The following IQSEC2 variants were observed in gnomAD, a reference collection of about 807,000 sequenced individuals.
The protein encoded by IQSEC2 is IQ motif and SEC7 domain-containing protein 2.
IQSEC2 carries 6 observed loss-of-function variants against 74.6 expected under a neutral mutation model. The observed-to-expected ratio is 0.08, with a 90% confidence interval of 0.04 to 0.16. The LOEUF (loss-of-function observed/expected upper bound fraction) is 0.16. IQSEC2 is among the 10% of genes least tolerant of loss of function. The probability of loss-of-function intolerance (pLI) is 1.00; values close to 1 mark genes in which losing one functional copy is unlikely to be tolerated. For synonymous variants in IQSEC2, 494 were observed against 544.5 expected (o/e 0.91, Z 1.29); for missense variants, 734 against 1,306.2 (o/e 0.56, Z 6.75).
At chrX:53,282,987 C>T (rs1223442352) in intron 2 of IQSEC2, among the ~76,000 whole-genome samples, 2 of 110,924 alleles carry the variant, frequency 1.8e-5, no homozygotes, top group Admixed American at 9.6e-5. Context: ...GGGTGGGGGA[C>T]GGTGGATCAC....
intron 1 of IQSEC2, among the ~76,000 whole-genome samples, chrX:53,304,686 C>T (rs1023323999): frequency 2.7e-5 from 3 of 111,685 alleles, no homozygotes; most frequent in South Asian, 3.8e-4. Flanking sequence ...GGCAGCACAG[C>T]GTGAACCTCA....
downstream of IQSEC2, chrX:53,228,838 C>T (rs782670337): frequency 2.7e-5 from 3 of 111,779 alleles, no homozygotes; most frequent in Non-Finnish European, 3.8e-5. Flanking sequence ...AGAGAAATAT[C>T]GATGTCTAGT....
At chrX:53,288,713 C>T (rs978593146) in intron 2 of IQSEC2, among the ~76,000 whole-genome samples, 1 of 112,434 alleles carries the variant, frequency 8.9e-6, no homozygotes, top group Non-Finnish European at 1.9e-5. Context: ...TTTAAGTTCT[C>T]TCATCAACCC....
At chrX:53,252,376 A>T (rs1569303814) in intron 4 of IQSEC2, among the ~76,000 whole-genome samples, 1 of 11,157 alleles carries the variant, frequency 9.0e-5, no homozygotes, top group African/African-American at 1.4e-4. Context: ...AAATTTATTA[A>T]AAAAAAAAAA....
At chrX:53,264,920 T>G (rs781789125) in intron 2 of IQSEC2, among the ~76,000 whole-genome samples, 1 of 48,440 alleles carries the variant, frequency 2.1e-5, no homozygotes, top group South Asian at 1.4e-3. Context: ...GCCACTGTCA[T>G]GCTTAAAAAA....
intron 1 of IQSEC2, among the ~76,000 whole-genome samples, chrX:53,308,088 C>T (rs184838631): frequency 4.9e-5 from 5 of 101,021 alleles, no homozygotes; most frequent in Admixed American, 2.2e-4. Context: ...CGCTTGAACC[C>T]GGGAGGCAGA....
At chrX:53,255,078 C>T (rs953949106) in intron 3 of IQSEC2, 147 bp from the exon 4 acceptor site, 111 of 513,489 alleles carry the variant, frequency 2.2e-4, no homozygotes, top group South Asian at 6.1e-5. Context: ...GTGTTGTCTC[C>T]TCACTTGAAT....
intron 1 of IQSEC2, among the ~76,000 whole-genome samples, chrX:53,316,756 G>A (rs1232898266): frequency 4.7e-5 from 5 of 106,642 alleles, no homozygotes; most frequent in Admixed American, 4.1e-4. Flanking sequence ...ACTCACTTGA[G>A]TAAGCTATGT....
In IQSEC2 at chrX:53,234,483, G is replaced by A. The variant is rs1556859024; in HGVS notation, c.4203C>T (p.Gly1401=). ...GCCGGGATCCAGGGCCCCCAGCCGC[G>A]CCTGCTGCTGGCATCATCTGTGGGT... The part of the protein sequence containing the change: ...SHHPQMMPAA[G]AAGGPGSRPP... Residue 1401 remains glycine (G), a synonymous_variant, in exon 15 of 15, where the codon GGC becomes GGT. Transcript: ENST00000642864. 1.8e-6 allele frequency: 2 copies of A among 1,088,373 alleles called. No individual in the cohort carries two copies. Among genetic ancestry groups the A allele is most frequent in the Admixed American group, 3.7e-5 (1 of 27,228 alleles). The allele number at this position is 1,088,373 out of a possible 1,213,427, so 89.7% of individuals were successfully genotyped here. A position where few individuals can be genotyped will look rare whatever the true frequency, so the allele number is the denominator to read the frequency against.
At chrX:53,289,622 G>A (rs1334097157) in intron 2 of IQSEC2, among the ~76,000 whole-genome samples, 2 of 111,043 alleles carry the variant, frequency 1.8e-5, no homozygotes, top group Admixed American at 1.9e-4. Context: ...TTACAAGTAG[G>A]TCCCTACCCA....
downstream of IQSEC2, chrX:53,227,648 AAAG>A: frequency 3.3e-6 from 1 of 304,069 alleles, no homozygotes; most frequent in East Asian, 4.9e-5. Flanking sequence ...AAACAGATGA[AAAG>A]GAGGCAGAGG....
chrX:53,259,188 CAAAAAAAAAAAAAA>C (rs56394985), intron 2 of IQSEC2, among the ~76,000 whole-genome samples: 1 of 31,686 alleles, frequency 3.2e-5, no homozygotes, highest in East Asian at 8.4e-4. Flanking sequence ...AGACTGTCTC[CAAAAAAAAAAAAAA>C]AAAAAAAAAA....
chrX:53,320,728 G>A lies in IQSEC2; in HGVS notation c.396C>T (p.Asp132=), dbSNP rs1556880172. 8.6e-7 allele frequency: 1 copy of A among 1,167,536 alleles called. No individual in the cohort carries two copies. The highest frequency in any genetic ancestry group is 2.6e-5 in the Admixed American group (1 of 38,858). ...GCGGGTAGGAGGCGTCCCGCTCCTT[G>A]TCCCGATACACAGCCTCCCGATTCT... The part of the protein sequence containing the change: ...AYQNREAVYR[D]KERDASYPLQ... The change falls in exon 1 of 15, where the codon GAC becomes GAT. Residue 132 remains aspartate (D), a synonymous_variant. Transcript: ENST00000642864.
chrX:53,316,231 C>T (rs1248485830), intron 1 of IQSEC2, among the ~76,000 whole-genome samples: 3 of 111,555 alleles, frequency 2.7e-5, no homozygotes, highest in South Asian at 3.7e-4. Context: ...CCCATTCTTG[C>T]CCCAGATCTA....
intron 11 of IQSEC2, 33 bp downstream of exon 11, chrX:53,239,162 C>A: frequency 9.6e-7 from 1 of 1,042,524 alleles, no homozygotes; most frequent in African/African-American, 1.8e-5. Context: ...ATGACATAGA[C>A]TCTCAGGAGC....
intron 5 of IQSEC2, 140 bp downstream of exon 5, chrX:53,250,139 T>C: frequency 2.7e-6 from 2 of 744,569 alleles, no homozygotes; most frequent in South Asian, 2.3e-5. Flanking sequence ...TCCTCTTCCC[T>C]GAATGTCTGG....
At chrX:53,298,185 T>A (rs1556874772) in intron 1 of IQSEC2, among the ~76,000 whole-genome samples, 1 of 110,842 alleles carries the variant, frequency 9.0e-6, no homozygotes, top group African/African-American at 3.3e-5. Flanking sequence ...TCCTTTCACC[T>A]CTCCTTTGCG....
chrX:53,295,851 A>G (rs1168237579), intron 1 of IQSEC2, among the ~76,000 whole-genome samples: 2 of 110,214 alleles, frequency 1.8e-5, no homozygotes, highest in African/African-American at 3.3e-5. Flanking sequence ...CTTCCCAGGA[A>G]CCTGAAATTA....
intron 1 of IQSEC2, among the ~76,000 whole-genome samples, chrX:53,293,129 C>A (rs1244773609): frequency 8.9e-6 from 1 of 111,928 alleles, no homozygotes; most frequent in Non-Finnish European, 1.9e-5. Flanking sequence ...CAGAAGGGAG[C>A]ATTTGTTGAA....
Sources: gnomAD v4.1 joint callset for allele counts (sites outside exome capture counted in the v4.1 genomes callset) on GRCh38, gnomAD v4.1.1 for gene constraint, MANE v1.5 for transcripts, NCBI Gene and HGNC (gene_info 2026-07-23, HGNC 2026-07-21) for gene names.